POLR2G: variants seen among roughly 807,000 people sequenced by gnomAD.
The protein encoded by POLR2G is DNA-directed RNA polymerase II subunit RPB7.
POLR2G carries 19 observed loss-of-function variants against 25.7 expected under a neutral mutation model. That is an observed-to-expected ratio of 0.74 (90% confidence interval 0.52 to 1.08). The LOEUF (loss-of-function observed/expected upper bound fraction) is 1.08. Ranked by LOEUF, POLR2G falls within the 50% of genes least tolerant of loss-of-function variation. The probability of loss-of-function intolerance (pLI) is 0.00; values close to 1 mark genes in which losing one functional copy is unlikely to be tolerated. For missense variants in POLR2G, 123 were observed against 218.5 expected (o/e 0.56, Z 2.76); for synonymous variants, 79 against 76.0 (o/e 1.04, Z -0.21).
intron 3 of POLR2G, 72 bp downstream of exon 3, chr11:62,763,098 A>C (rs548679165): frequency 8.8e-6 from 8 of 912,444 alleles, no homozygotes; most frequent in Non-Finnish European, 1.3e-5. Flanking sequence ...GCTCCACTTC[A>C]TAACTCTGTG....
At chr11:62,762,481 C>T in intron 2 of POLR2G, 1 of 400,408 alleles carries the variant, frequency 2.5e-6, no homozygotes. Flanking sequence ...GTACTTGGGC[C>T]TCCAGCATCA....
In POLR2G at chr11:62,762,655, T is replaced by C. The variant is rs1006030780; in HGVS notation, c.123-212T>C. The stretch of plus-strand genomic sequence containing the variant: ...GGACTCCAGCCTTCTTGGACATTTA[T>C]TGTGAAATTACCAGAACAGCATTTG... On this transcript the variant is annotated intron_variant, in intron 2 of 7. Coordinates refer to ENST00000301788, the MANE Select transcript of POLR2G (RefSeq NM_002696.3). 1.7e-5 allele frequency: 11 copies of C among 632,662 alleles called. No individual in the cohort carries two copies. The African/African-American group carries it at 2.0e-4, about 11-fold the overall frequency. The allele number at this position is 632,662 out of a possible 1,614,324, so 39.2% of individuals were successfully genotyped here.
At chr11:62,764,032 G>A (rs962131998) in intron 3 of POLR2G, among the ~76,000 whole-genome samples, 1 of 146,888 alleles carries the variant, frequency 6.8e-6, no homozygotes. Flanking sequence ...GTGAGCCACC[G>A]TGCCCGGCCA....
rs374497182 is a variant in POLR2G, at chr11:62,762,819, G to C, written c.123-48G>C. On this transcript the variant is annotated intron_variant, in intron 2 of 7. Transcript: ENST00000301788. ...GCGACTTTTATTGCAGATGTCTTTA[G>C]AGGCTCTTGGACACACAGTGTCTTC... The C allele has an allele frequency of 2.7e-5, 41 of 1,495,122 alleles. No homozygotes were observed. In the African/African-American group the frequency reaches 5.2e-4, roughly 19 times the overall value. The allele number at this position is 1,495,122 out of a possible 1,614,324, so 92.6% of individuals were successfully genotyped here.
chr11:62,766,384 T>C, intron 7 of POLR2G, 108 bp downstream of exon 7: 1 of 1,526,366 alleles, frequency 6.6e-7, no homozygotes, highest in East Asian at 2.3e-5. Context: ...GAAGAAACTT[T>C]CATGCTGTCT....
At chr11:62,762,249 T>C (rs1227642703) in intron 2 of POLR2G, 1 of 298,156 alleles carries the variant, frequency 3.4e-6, no homozygotes, top group East Asian at 7.0e-5. Flanking sequence ...TCATTGTTCC[T>C]GTGTCTGCTC....
At chr11:62,761,723 G>A in intron 1 of POLR2G, 63 bp downstream of exon 1, 1 of 1,608,220 alleles carries the variant, frequency 6.2e-7, no homozygotes, top group Non-Finnish European at 8.5e-7. Flanking sequence ...CCAGGCGCCG[G>A]CGCGAGACTC....
chr11:62,761,776 A>ATCCCACT lies in POLR2G; in HGVS notation c.13-17_13-11dup. The ATCCCACT allele has an allele frequency of 6.2e-7, 1 of 1,612,488 alleles. No homozygotes were observed. The highest frequency in any genetic ancestry group is 1.1e-5 in the South Asian group (1 of 91,044). ...CCTGCCAGCGCCTGGCCTGGTCGCC[A>ATCCCACT]TCCCACTTTTCTCCGCAGATCTCCC... On this transcript the variant is annotated intron_variant, in intron 1 of 7. Coordinates refer to ENST00000301788, the MANE Select transcript of POLR2G (RefSeq NM_002696.3).
chr11:62,765,673 C>A lies in POLR2G; in HGVS notation c.420C>A (p.Asp140Glu). ...TMDEDIVIQQDDEIRLKIVGT... is the reference protein window; with the variant it reads ...TMDEDIVIQQEDEIRLKIVGT... ...CTCAGGATATTGTGATTCAGCAGGA[C>A]GATGAGATCCGCTTAAAGATTGTGG... Residue 140 changes from aspartate (D) to glutamate (E), a missense_variant, in exon 6 of 8, where the codon GAC (aspartate) becomes GAA (glutamate). Asp to Glu is a conservative substitution (Grantham distance 45). Coordinates refer to ENST00000301788, the MANE Select transcript of POLR2G (RefSeq NM_002696.3). 7 of 1,610,600 alleles carry A rather than the reference C, an allele frequency of 4.3e-6. No individual in the cohort carries two copies. Among genetic ancestry groups the A allele is most frequent in the Non-Finnish European group, 5.9e-6 (7 of 1,176,912 alleles).
chr11:62,765,900 G>A (rs1199194172), intron 6 of POLR2G, among the ~76,000 whole-genome samples, 176 bp downstream of exon 6: 3 of 150,672 alleles, frequency 2.0e-5, no homozygotes, highest in Non-Finnish European at 2.9e-5. Context: ...CCATTCTCCT[G>A]CCTCAGCCTC....
At position 62,761,652 on chromosome 11, in the gene POLR2G, T is replaced by A. The variant is rs1323438918; in HGVS notation, c.4T>A (p.Phe2Ile). The A allele has an allele frequency of 3.1e-6, 5 of 1,611,956 alleles. No homozygotes were observed. In the South Asian group the frequency reaches 5.5e-5, roughly 18 times the overall value. Residue 2 changes from phenylalanine to isoleucine, a missense_variant, in exon 1 of 8, where the codon TTC becomes ATC. Physicochemically the swap from Phe to Ile is conservative, Grantham distance 21. Coordinates refer to ENST00000301788, the MANE Select transcript of POLR2G (RefSeq NM_002696.3). ...CCTGCCTACCTGGTCTGGGAAGATG[T>A]TCTACCATGTGAGCAGGGCTCAGGG... MFYHISLEHEIL... is the reference protein window; with the variant it reads MIYHISLEHEIL...
chr11:62,763,052 T>TG, intron 3 of POLR2G, 26 bp downstream of exon 3: 1 of 1,520,584 alleles, frequency 6.6e-7, no homozygotes, highest in Non-Finnish European at 9.0e-7. Flanking sequence ...GGGGAGGCAG[T>TG]GGGGTAGTCT....
Position 62,761,641 on chromosome 11 carries a change from C to T in POLR2G, c.-8C>T, listed in dbSNP as rs759195904. 3.7e-6 allele frequency: 6 copies of T among 1,610,766 alleles called. No individual in the cohort carries two copies. The South Asian group carries it at 5.5e-5, about 15-fold the overall frequency. On this transcript the variant is annotated 5_prime_UTR_variant, in exon 1 of 8. Coordinates refer to ENST00000301788, the MANE Select transcript of POLR2G (RefSeq NM_002696.3). The stretch of plus-strand genomic sequence containing the variant: ...TGTGGACTCTGCCTGCCTACCTGGT[C>T]TGGGAAGATGTTCTACCATGTGAGC...
rs554024112 is a variant in POLR2G at position 62,762,201 on chromosome 11, A to C, written c.122+297A>C. 7.3e-6 allele frequency: 3 copies of C among 409,714 alleles called. No homozygotes were observed. The East Asian group carries it at 1.4e-4, about 19-fold the overall frequency. 25.4% of individuals were successfully genotyped at this position (409,714 alleles called of 1,614,324 possible). A position where few individuals can be genotyped will look rare whatever the true frequency, so the allele number is the denominator to read the frequency against. Reference sequence around the variant, plus strand: ...CAGAACAAGGTAGAATGGGAACAAGATAGAATGAGGACAGCCCCTGTGGAG... The same window carrying C: ...CAGAACAAGGTAGAATGGGAACAAGCTAGAATGAGGACAGCCCCTGTGGAG... On this transcript the variant is annotated intron_variant, in intron 2 of 7. Coordinates refer to ENST00000301788, the MANE Select transcript of POLR2G (RefSeq NM_002696.3).
rs2084117155 is a variant in POLR2G, at chr11:62,766,629, G to A, written c.*122G>A. On this transcript the variant is annotated 3_prime_UTR_variant, in exon 8 of 8. Coordinates refer to ENST00000301788, the MANE Select transcript of POLR2G (RefSeq NM_002696.3). The stretch of plus-strand genomic sequence containing the variant: ...CAAGGAAGGCAACTCATCCCAGAAG[G>A]CATCTGGTGCTTCTTGTAGCTTAAC... 2 of 815,874 alleles carry A rather than the reference G, an allele frequency of 2.5e-6. No individual in the cohort carries two copies. Among genetic ancestry groups the A allele is most frequent in the South Asian group, 3.0e-5 (2 of 67,696 alleles). 50.5% of individuals were successfully genotyped at this position (815,874 alleles called of 1,614,324 possible).
In POLR2G at chr11:62,761,788, T is replaced by G. The variant is rs774591765; in HGVS notation, c.13-7T>G. On this transcript the variant is annotated splice_region_variant and splice_polypyrimidine_tract_variant and intron_variant, in intron 1 of 7. Coordinates refer to ENST00000301788, the MANE Select transcript of POLR2G (RefSeq NM_002696.3). ...TGGCCTGGTCGCCATCCCACTTTTC[T>G]CCGCAGATCTCCCTAGAGCACGAAA... The G allele has an allele frequency of 1.2e-5, 20 of 1,613,450 alleles. No individual in the cohort carries two copies. The highest frequency in any genetic ancestry group is 3.3e-5 in the South Asian group (3 of 91,078).
chr11:62,761,929 C>T, intron 2 of POLR2G, 25 bp downstream of exon 2: 4 of 1,507,384 alleles, frequency 2.7e-6, no homozygotes, highest in Non-Finnish European at 3.7e-6. Context: ...CACCGCACCG[C>T]CAGATCGTTC....
At chr11:62,765,470 G>A (rs2084110925) in intron 5 of POLR2G, 65 bp downstream of exon 5, 1 of 1,350,182 alleles carries the variant, frequency 7.4e-7, no homozygotes, top group African/African-American at 1.4e-5. Context: ...GAGAATATTG[G>A]CCTGGGGATG....
chr11:62,762,285 T>A (rs2084092952), intron 2 of POLR2G: 2 of 274,784 alleles, frequency 7.3e-6, no homozygotes, highest in Non-Finnish European at 1.5e-5. Context: ...GCTGGTTTTC[T>A]CTTATCCCCT....
Sources: gnomAD v4.1 joint callset for allele counts (sites outside exome capture counted in the v4.1 genomes callset) on GRCh38, gnomAD v4.1.1 for gene constraint, MANE v1.5 for transcripts, NCBI Gene and HGNC (gene_info 2026-07-23, HGNC 2026-07-21) for gene names.